KRT8: variants seen among roughly 807,000 people sequenced by gnomAD.
KRT8 encodes the protein keratin, type II cytoskeletal 8.
A neutral mutation model predicts 43.0 loss-of-function variants in KRT8; 24 were observed. The observed-to-expected ratio is 0.56, with a 90% CI of 0.40 to 0.78. The LOEUF is 0.78. Among genes scored for constraint, KRT8 ranks in the 30% least tolerant of loss-of-function variants. The probability of loss-of-function intolerance (pLI) is 0.00; values close to 1 mark genes in which losing one functional copy is unlikely to be tolerated. For synonymous variants in KRT8, 214 were observed against 261.2 expected, an observed-to-expected ratio of 0.82 and a Z score of 1.74; for missense variants, 492 against 638.4, an observed-to-expected ratio of 0.77 and a Z score of 2.47.
intron 2 of KRT8, chr12:52,949,313 C>T (rs1452035555): frequency 6.2e-7 from 1 of 1,610,328 alleles, no homozygotes; most frequent in Non-Finnish European, 8.5e-7. Flanking sequence ...TCCCGGATCT[C>T]CGTGTCCCGC....
rs781185568 is a variant in KRT8 at position 52,898,778 on chromosome 12, G to A, written c.1103C>T (p.Ala368Val). 1.0e-4 allele frequency: 168 copies of A among 1,614,122 alleles called. 2 individuals are homozygous for A. In the South Asian group the frequency reaches 1.7e-3, roughly 16 times the overall value. ...CTCCTGGTACTCACGCAGCTGCCGC[G>A]CCATGTCCTGCTTGGCCCGCTGCAG... is the stretch of plus-strand genomic sequence containing the variant. The change falls in exon 6 of 8, where the codon GCG (alanine) becomes GTG (valine). Residue 368 changes from alanine (A) to valine (V), a missense_variant. This residue lies in a region of KRT8 where 389 missense variants were observed against 485.7 expected (regional missense o/e 0.80). Coordinates refer to ENST00000692008, the Ensembl canonical transcript of KRT8.
intron 1 of KRT8, among the ~76,000 whole-genome samples, chr12:52,902,433 A>G (rs545593481): frequency 3.9e-5 from 6 of 152,198 alleles, no homozygotes; most frequent in Admixed American, 2.6e-4. Flanking sequence ...GCTGGAGTGC[A>G]GTGGCAAGAT....
chr12:52,900,105 C>T (rs895684528), intron 4 of KRT8, 40 bp from the exon 5 acceptor site: 3 of 1,601,960 alleles, frequency 1.9e-6, no homozygotes, highest in Non-Finnish European at 2.6e-6. Context: ...CCTGTCTCTG[C>T]ACACAGGGAG....
At chr12:52,935,725 C>A (rs1278067143) in intron 2 of KRT8, among the ~76,000 whole-genome samples, 1 of 150,552 alleles carries the variant, frequency 6.6e-6, no homozygotes, top group Non-Finnish European at 1.5e-5. Flanking sequence ...CTCCATATAA[C>A]CTTCAACTCC....
intron 2 of KRT8, among the ~76,000 whole-genome samples, chr12:52,934,313 C>T (rs771645579): frequency 5.9e-5 from 9 of 152,034 alleles, no homozygotes; most frequent in African/African-American, 9.7e-5. Context: ...CTAATCCCAG[C>T]ACTTTGGGAG....
At chr12:52,938,169 TA>T (rs1353081378) in intron 2 of KRT8, among the ~76,000 whole-genome samples, 642 of 40,734 alleles carry the variant, frequency 0.016, 3 homozygotes, top group African/African-American at 0.025. Context: ...TATATATATA[TA>T]TTTTTTTTTT....
intron 2 of KRT8, chr12:52,949,329 C>A (rs1942423083): frequency 6.2e-7 from 1 of 1,610,202 alleles, no homozygotes; most frequent in African/African-American, 1.3e-5. Context: ...CCCGCTCCAC[C>A]AGCTTCAGGG....
intron 2 of KRT8, among the ~76,000 whole-genome samples, chr12:52,919,352 C>T (rs569812796): frequency 5.3e-5 from 8 of 152,262 alleles, no homozygotes; most frequent in African/African-American, 1.2e-4. Context: ...CTGCAACCTT[C>T]GCTTCCCGGG....
At chr12:52,943,032 T>A (rs531881043) in intron 2 of KRT8, among the ~76,000 whole-genome samples, 1 of 152,292 alleles carries the variant, frequency 6.6e-6, no homozygotes, top group East Asian at 1.9e-4. Flanking sequence ...TAGTGTTTAC[T>A]GATTTGGGCT....
At chr12:52,920,574 G>A (rs1364378150) in intron 2 of KRT8, among the ~76,000 whole-genome samples, 1 of 152,132 alleles carries the variant, frequency 6.6e-6, no homozygotes, top group Non-Finnish European at 1.5e-5. Context: ...TCCAGCCTGG[G>A]CAACAAGAGC....
intron 2 of KRT8, among the ~76,000 whole-genome samples, chr12:52,945,456 C>T (rs759939726): frequency 6.6e-6 from 1 of 152,214 alleles, no homozygotes; most frequent in Non-Finnish European, 1.5e-5. Context: ...ACACCTCCCT[C>T]CTCCAGGCTG....
chr12:52,918,601 C>T (rs17690809), intron 2 of KRT8, among the ~76,000 whole-genome samples: 3,660 of 152,276 alleles, frequency 0.024, 75 homozygotes, highest in Admixed American at 0.052. Flanking sequence ...AGAAGAATTT[C>T]GCAGCCACTT....
chr12:52,905,137 T>A (rs1941485646), upstream of KRT8: 27 of 1,391,340 alleles, frequency 1.9e-5, no homozygotes, highest in East Asian at 6.5e-4. Context: ...CGTACCTGAG[T>A]GGCTAGGCCC....
In KRT8 at chr12:52,898,921, A is replaced by G. The variant is rs755195150; in HGVS notation, c.982-22T>C. On this transcript the variant is annotated intron_variant, in intron 5 of 7. Coordinates refer to ENST00000692008, the Ensembl canonical transcript of KRT8. ...CCCTCTGTGGGGTAGGGGACAGGTA[A>G]GTAGGTCAGGTTGGGTATGCCTTCT... 4 of 1,610,142 alleles carry G rather than the reference A, an allele frequency of 2.5e-6. No individual in the cohort carries two copies. The African/African-American group carries it at 5.3e-5, about 22-fold the overall frequency.
chr12:52,909,383 C>T (rs555380630), upstream of KRT8, among the ~76,000 whole-genome samples: 4 of 152,312 alleles, frequency 2.6e-5, no homozygotes, highest in South Asian at 8.3e-4. Context: ...AGCATAGAGA[C>T]AGCAGAACAA....
chr12:52,945,556 C>T (rs1015036576), intron 2 of KRT8, among the ~76,000 whole-genome samples: 6 of 152,194 alleles, frequency 3.9e-5, no homozygotes, highest in Non-Finnish European at 8.8e-5. Context: ...TCTCCACCAC[C>T]TAGTTTCCCC....
exon 5 of KRT8, chr12:52,899,807 G>A (rs1302092351): frequency 2.5e-6 from 4 of 1,611,814 alleles, no homozygotes; most frequent in Non-Finnish European, 3.4e-6. Flanking sequence ...TCAGCCTGGA[G>A]CCGGCTGATG....
At chr12:52,899,732 G>C (rs1941314323) in intron 5 of KRT8, 43 bp downstream of exon 5, 1 of 1,551,844 alleles carries the variant, frequency 6.4e-7, no homozygotes, top group Admixed American at 1.7e-5. Context: ...CTCTCACCAG[G>C]ATGTGTCCAA....
chr12:52,943,382 C>T (rs111508151), intron 2 of KRT8, among the ~76,000 whole-genome samples: 339 of 151,784 alleles, frequency 2.2e-3, no homozygotes, highest in Middle Eastern at 0.014. Context: ...CTTCCTTGAA[C>T]CTCATTCTTC....
Sources: allele counts gnomAD v4.1 joint callset (sites outside exome capture counted in the v4.1 genomes callset), GRCh38; gene constraint gnomAD v4.1.1; regional missense constraint gnomAD v4.1.1; transcripts MANE v1.5; gene names NCBI Gene and HGNC (gene_info 2026-07-23, HGNC 2026-07-21).